Variants in PRMT3 observed in about 807,000 individuals in gnomAD.
PRMT3 encodes protein arginine N-methyltransferase 3.
PRMT3 carries 62 observed loss-of-function variants against 71.9 expected under a neutral mutation model. That is an observed-to-expected ratio of 0.86 (90% CI 0.70 to 1.07). The LOEUF (loss-of-function observed/expected upper bound fraction) is 1.07, where lower values mean the gene tolerates loss of function less well. Among genes scored for constraint, PRMT3 ranks in the 50% least tolerant of loss-of-function variants. The probability of loss-of-function intolerance (pLI) is 0.00; values close to 1 mark genes in which losing one functional copy is unlikely to be tolerated. For synonymous variants in PRMT3, 213 were observed against 220.4 expected (o/e 0.97, Z 0.30); for missense variants, 663 against 643.0 (o/e 1.03, Z -0.34).
intron 13 of PRMT3, among the ~76,000 whole-genome samples, chr11:20,489,287 A>C (rs2133446766): frequency 6.6e-6 from 1 of 152,326 alleles, no homozygotes; most frequent in East Asian, 1.9e-4. Context: ...AGATTAACCC[A>C]ACTCCTACAG....
intron 15 of PRMT3, among the ~76,000 whole-genome samples, chr11:20,507,213 C>G (rs535440452): frequency 1.3e-5 from 2 of 152,294 alleles, no homozygotes; most frequent in African/African-American, 4.8e-5. Flanking sequence ...TAACTGCCTT[C>G]CAACCATCCC....
intron 10 of PRMT3, among the ~76,000 whole-genome samples, chr11:20,430,253 CA>C (rs1849627728): frequency 1.3e-5 from 2 of 152,056 alleles, no homozygotes; most frequent in African/African-American, 4.8e-5. Context: ...CAAGGAAAGA[CA>C]AAAATAGAAT....
At position 20,398,666 on chromosome 11, in the gene PRMT3, T is replaced by C. The variant is rs865788893; in HGVS notation, c.705+945T>C. Among the ~76,000 whole-genome samples, 5 of 152,170 alleles carry C rather than the reference T, an allele frequency of 3.3e-5. No homozygotes were observed. The South Asian group carries it at 8.3e-4, about 25-fold the overall frequency. ...GACGGGGTTTCACCGTAATGCCATA[T>C]TTTTACTGTACCTTTTCTATCTTTA... On this transcript the variant is annotated intron_variant, in intron 7 of 15. Coordinates refer to ENST00000331079, the MANE Select transcript of PRMT3 (RefSeq NM_005788.4).
rs1348121999 is a variant in PRMT3, at chr11:20,410,738, AG to A, written c.893+2707del. On this transcript the variant is annotated intron_variant, in intron 9 of 15. Coordinates refer to ENST00000331079, the MANE Select transcript of PRMT3 (RefSeq NM_005788.4). ...TCTTTGTTTTTAAAGTCTCCGGGAA[AG>A]CTACCAACTTACTTTTAATCAAAGG... Among the ~76,000 whole-genome samples the A allele has an allele frequency of 2.0e-5, 3 of 152,118 alleles. No homozygotes were observed. In the East Asian group the frequency reaches 5.8e-4, roughly 29 times the overall value.
chr11:20,389,849 G>C, intron 3 of PRMT3, 23 bp downstream of exon 3: 1 of 1,574,274 alleles, frequency 6.4e-7, no homozygotes, highest in Non-Finnish European at 8.7e-7. Context: ...TAGAATAAAG[G>C]CAATTTAATT....
In PRMT3 at chr11:20,407,942, TTCTC is replaced by T. The variant is rs779069393; in HGVS notation, c.807_810del (p.Ser270CysfsTer27). The T allele has an allele frequency of 6.8e-6, 11 of 1,611,420 alleles. No individual in the cohort carries two copies. The highest frequency in any genetic ancestry group is 1.3e-5 in the African/African-American group (1 of 74,852). ...TTGGATGTTGGGTGTGGAACTGGAA[TTCTC>T]TCTATGTTTGCTGCTAAAGCTGGGG... On this transcript the variant is annotated frameshift_variant, in exon 9 of 16. Coordinates refer to ENST00000331079, the MANE Select transcript of PRMT3 (RefSeq NM_005788.4). LOFTEE classifies it high-confidence loss of function.
At chr11:20,407,463 G>C (rs746993750) in intron 8 of PRMT3, 8 of 157,384 alleles carry the variant, frequency 5.1e-5, no homozygotes, top group Non-Finnish European at 9.9e-5. Flanking sequence ...TATACAGATT[G>C]CATGTTAAAG....
At chr11:20,396,871 G>A (rs1848838162) in intron 6 of PRMT3, among the ~76,000 whole-genome samples, 1 of 152,172 alleles carries the variant, frequency 6.6e-6, no homozygotes, top group Non-Finnish European at 1.5e-5. Flanking sequence ...ATACCTCACA[G>A]GCCTTCCTGT....
intron 10 of PRMT3, among the ~76,000 whole-genome samples, chr11:20,437,055 A>G (rs1381097541): frequency 6.6e-6 from 1 of 152,072 alleles, no homozygotes; most frequent in Non-Finnish European, 1.5e-5. Flanking sequence ...ATTTGTTAGC[A>G]TATAGTTGTT....
chr11:20,481,094 A>G (rs1340789283), intron 13 of PRMT3, among the ~76,000 whole-genome samples: 1 of 152,164 alleles, frequency 6.6e-6, no homozygotes, highest in Non-Finnish European at 1.5e-5. Flanking sequence ...CTGACACTTT[A>G]ACAAAGCATT....
intron 9 of PRMT3, among the ~76,000 whole-genome samples, chr11:20,415,671 A>G (rs757798657): frequency 2.5e-4 from 13 of 52,134 alleles, no homozygotes; most frequent in Admixed American, 1.6e-3. Flanking sequence ...TCAAGTAGGC[A>G]TATTTCCACC....
rs1219585526 is a variant in PRMT3 at position 20,494,203 on chromosome 11, C to T, written c.1435C>T (p.His479Tyr). The T allele has an allele frequency of 3.1e-6, 5 of 1,611,526 alleles. No individual in the cohort carries two copies. Among genetic ancestry groups the T allele is most frequent in the East Asian group, 2.2e-5 (1 of 44,878 alleles). Residue 479 changes from histidine (H) to tyrosine (Y), a missense_variant, in exon 15 of 16, where the codon CAC (histidine) becomes TAC (tyrosine). Transcript: ENST00000331079. The part of the protein sequence containing the change: ...FSTGPQSTKT[H>Y]WKQTVFLLEK... ...TACGGGCCCTCAGAGCACCAAAACA[C>T]ACTGGAAACAAACAGTATTTCTACT... is the stretch of plus-strand genomic sequence containing the variant.
chr11:20,501,427 A>G (rs1010402646), intron 15 of PRMT3, among the ~76,000 whole-genome samples: 2 of 152,138 alleles, frequency 1.3e-5, no homozygotes, highest in African/African-American at 2.4e-5. Flanking sequence ...TGGATGGCCA[A>G]TTTTGCCAAC....
intron 10 of PRMT3, among the ~76,000 whole-genome samples, chr11:20,450,377 T>C (rs557204744): frequency 7.0e-4 from 107 of 152,278 alleles, no homozygotes; most frequent in Middle Eastern, 6.8e-3. Flanking sequence ...TGAATGCCTA[T>C]TTATAAGCAT....
At chr11:20,388,792 C>T (rs1208454263) in intron 2 of PRMT3, among the ~76,000 whole-genome samples, 1 of 152,228 alleles carries the variant, frequency 6.6e-6, no homozygotes, top group African/African-American at 2.4e-5. Flanking sequence ...TATTTCCAAA[C>T]TCACATTCTT....
intron 3 of PRMT3, among the ~76,000 whole-genome samples, chr11:20,391,728 G>C (rs763340977): frequency 6.6e-6 from 1 of 151,942 alleles, no homozygotes; most frequent in African/African-American, 2.4e-5. Context: ...TTTAAATGCT[G>C]CTTCATTTCT....
At chr11:20,435,237 T>G (rs1039453119) in intron 10 of PRMT3, among the ~76,000 whole-genome samples, 1 of 152,180 alleles carries the variant, frequency 6.6e-6, no homozygotes. Flanking sequence ...ATTTATTTTC[T>G]GTCGCCCAGG....
chr11:20,461,631 G>A (rs1850384864), intron 11 of PRMT3, among the ~76,000 whole-genome samples: 1 of 151,966 alleles, frequency 6.6e-6, no homozygotes, highest in Admixed American at 6.5e-5. Context: ...TGTTTTTAGA[G>A]GAATATAGGA....
In PRMT3 at chr11:20,435,640, C is replaced by T. The variant is rs1443188328; in HGVS notation, c.993+8775C>T. 2.0e-5 allele frequency among the ~76,000 whole-genome samples: 3 copies of T among 152,120 alleles called. No individual in the cohort carries two copies. In the East Asian group the frequency reaches 5.8e-4, roughly 29 times the overall value. ...TGTTTTTGGTACCTTTGCCAAAAAT[C>T]GGTTGGCTGTAAATGCATGGATTTA... On this transcript the variant is annotated intron_variant, in intron 10 of 15. Transcript: ENST00000331079.
Sources: gnomAD v4.1 joint callset for allele counts (sites outside exome capture counted in the v4.1 genomes callset) on GRCh38, gnomAD v4.1.1 for gene constraint, MANE v1.5 for transcripts, NCBI Gene and HGNC (gene_info 2026-07-23, HGNC 2026-07-21) for gene names.